The following CTNNA3 variants were observed in gnomAD, a reference collection of about 807,000 sequenced individuals.
CTNNA3 encodes catenin alpha 3.
A neutral mutation model predicts 95.7 loss-of-function variants in CTNNA3; 76 were observed. That is an observed-to-expected ratio of 0.79 (90% confidence interval 0.66 to 0.96). The LOEUF (loss-of-function observed/expected upper bound fraction) is 0.96. Ranked by LOEUF, CTNNA3 falls within the 40% of genes least tolerant of loss-of-function variation. The pLI, the probability that CTNNA3 is intolerant of heterozygous loss-of-function variation, is 0.00. For synonymous variants in CTNNA3, 431 were observed against 374.4 expected, an observed-to-expected ratio of 1.15 and a Z score of -1.74; for missense variants, 1,191 against 1,089.8, an observed-to-expected ratio of 1.09 and a Z score of -1.31.
intron 13 of CTNNA3, among the ~76,000 whole-genome samples, chr10:66,275,402 G>A (rs1031830670): frequency 9.2e-5 from 14 of 152,260 alleles, no homozygotes; most frequent in African/African-American, 2.9e-4. Flanking sequence ...CACTGAACTT[G>A]GCCCTAATTT....
intron 13 of CTNNA3, among the ~76,000 whole-genome samples, chr10:66,111,081 T>C (rs747071515): frequency 6.6e-5 from 10 of 152,338 alleles, no homozygotes; most frequent in Non-Finnish European, 1.2e-4. Flanking sequence ...CAAAATCTCA[T>C]GTCGAATTGT....
chr10:66,127,122 A>T (rs1181187697), intron 13 of CTNNA3, among the ~76,000 whole-genome samples: 2 of 152,126 alleles, frequency 1.3e-5, no homozygotes, highest in Non-Finnish European at 2.9e-5. Flanking sequence ...ATACAAAAAA[A>T]TTAGCCAGGC....
intron 16 of CTNNA3, among the ~76,000 whole-genome samples, chr10:65,981,235 T>G (rs2078313309): frequency 6.6e-6 from 1 of 151,602 alleles, no homozygotes; most frequent in Non-Finnish European, 1.5e-5. Context: ...AACTCAACCG[T>G]TTTTTTACAA....
intron 7 of CTNNA3, among the ~76,000 whole-genome samples, chr10:66,855,459 G>A (rs955889039): frequency 6.6e-6 from 1 of 151,880 alleles, no homozygotes; most frequent in Non-Finnish European, 1.5e-5. Context: ...ATCATAACTT[G>A]AGTTATTTTC....
chr10:66,629,825 C>A (rs538678220), intron 9 of CTNNA3, among the ~76,000 whole-genome samples: 1 of 152,142 alleles, frequency 6.6e-6, no homozygotes, highest in Admixed American at 6.6e-5. Context: ...CTCTTCCTCC[C>A]TTTTCACAGC....
chr10:66,641,315 A>T (rs1483379014), intron 9 of CTNNA3, among the ~76,000 whole-genome samples: 1 of 152,162 alleles, frequency 6.6e-6, no homozygotes, highest in Non-Finnish European at 1.5e-5. Flanking sequence ...AGAAAAAGAA[A>T]TTTCCATGTT....
intron 11 of CTNNA3, among the ~76,000 whole-genome samples, chr10:66,390,543 A>T (rs2092926786): frequency 6.6e-6 from 1 of 152,202 alleles, no homozygotes; most frequent in Non-Finnish European, 1.5e-5. Flanking sequence ...AAATTTAATT[A>T]TAAAAAAAAG....
intron 10 of CTNNA3, among the ~76,000 whole-genome samples, chr10:66,587,310 C>T (rs533687747): frequency 9.9e-5 from 15 of 152,208 alleles, no homozygotes; most frequent in Admixed American, 3.9e-4. Flanking sequence ...TGGGCTGTGC[C>T]GGTTGGCCTC....
intron 11 of CTNNA3, among the ~76,000 whole-genome samples, chr10:66,380,221 G>T (rs2092826552): frequency 6.6e-6 from 1 of 151,724 alleles, no homozygotes; most frequent in African/African-American, 2.4e-5. Flanking sequence ...TTCCCAATCT[G>T]CTTGTGTATA....
At chr10:67,308,261 T>C (rs1840637952) in intron 5 of CTNNA3, among the ~76,000 whole-genome samples, 1 of 152,212 alleles carries the variant, frequency 6.6e-6, no homozygotes, top group Non-Finnish European at 1.5e-5. Context: ...GCTCCCATAA[T>C]ACCCATGTGT....
chr10:66,340,679 A>G (rs1255038845), intron 12 of CTNNA3, among the ~76,000 whole-genome samples: 3 of 151,672 alleles, frequency 2.0e-5, no homozygotes, highest in Admixed American at 2.0e-4. Flanking sequence ...AGTGTCTTAA[A>G]TAATATCTCA....
At chr10:66,010,022 T>C (rs1313910573) in intron 15 of CTNNA3, among the ~76,000 whole-genome samples, 7 of 152,138 alleles carry the variant, frequency 4.6e-5, no homozygotes, top group Non-Finnish European at 8.8e-5. Context: ...AGAAAGCATG[T>C]AGAGAAAAGA....
At chr10:66,912,504 C>T (rs970793058) in intron 7 of CTNNA3, among the ~76,000 whole-genome samples, 2 of 151,826 alleles carry the variant, frequency 1.3e-5, no homozygotes, top group African/African-American at 2.4e-5. Context: ...AAATTAAACA[C>T]CTGTAAGATA....
chr10:66,212,794 A>G (rs1450743476), intron 13 of CTNNA3, among the ~76,000 whole-genome samples: 1 of 152,200 alleles, frequency 6.6e-6, no homozygotes, highest in Admixed American at 6.5e-5. Context: ...ACTTGAGGCC[A>G]GGAGTTTGAG....
chr10:66,438,478 A>G (rs1038830766), intron 11 of CTNNA3, among the ~76,000 whole-genome samples: 67 of 152,278 alleles, frequency 4.4e-4, no homozygotes, highest in African/African-American at 1.5e-3. Context: ...TTGAACTTCC[A>G]GGTGGCTTTG....
intron 12 of CTNNA3, among the ~76,000 whole-genome samples, chr10:66,280,892 A>G (rs543799869): frequency 6.6e-6 from 1 of 152,026 alleles, no homozygotes; most frequent in African/African-American, 2.4e-5. Context: ...GTTTTAAAAG[A>G]TTATCTTTCT....
chr10:66,525,026 G>C (rs1196652671), intron 10 of CTNNA3, among the ~76,000 whole-genome samples: 1 of 151,816 alleles, frequency 6.6e-6, no homozygotes, highest in Non-Finnish European at 1.5e-5. Context: ...TCCAGCCTGG[G>C]CAATAAGAGC....
intron 15 of CTNNA3, among the ~76,000 whole-genome samples, chr10:66,053,566 A>G (rs1305307724): frequency 6.6e-6 from 1 of 152,028 alleles, no homozygotes; most frequent in Non-Finnish European, 1.5e-5. Flanking sequence ...CTATTGTGCT[A>G]TCAAATAGTA....
chr10:67,445,296 A>T (rs1434432441), intron 5 of CTNNA3, among the ~76,000 whole-genome samples: 1 of 152,142 alleles, frequency 6.6e-6, no homozygotes, highest in Non-Finnish European at 1.5e-5. Context: ...ACCAGAAAAC[A>T]AATAACAAAA....
Sources: allele counts gnomAD v4.1 joint callset (sites outside exome capture counted in the v4.1 genomes callset), GRCh38; gene constraint gnomAD v4.1.1; transcripts MANE v1.5; gene names NCBI Gene and HGNC (gene_info 2026-07-23, HGNC 2026-07-21).